KIF27: variants seen among roughly 807,000 people sequenced by gnomAD.
The protein encoded by KIF27 is kinesin family member 27.
In KIF27, 84 loss-of-function variants were observed where a neutral mutation model predicts 141.8. The ratio of observed to expected loss-of-function variants is 0.59; its 90% CI spans 0.50 to 0.71. The LOEUF is 0.71. KIF27 is among the 30% of genes least tolerant of loss of function. KIF27 has a pLI of 0.00. For missense variants in KIF27, 1,306 were observed against 1,628.4 expected, an observed-to-expected ratio of 0.80 and a Z score of 3.41; for synonymous variants, 471 against 569.5, an observed-to-expected ratio of 0.83 and a Z score of 2.46.
chr9:83,864,121 C>T (rs1950168099), intron 13 of KIF27, among the ~76,000 whole-genome samples: 1 of 152,112 alleles, frequency 6.6e-6, no homozygotes, highest in South Asian at 2.1e-4. Flanking sequence ...TCTCAAAAAA[C>T]CAGCTCCTTG....
Position 83,884,034 on chromosome 9 carries a change from A to T in KIF27, c.2240-16T>A. 6.7e-7 allele frequency: 1 copy of T among 1,483,300 alleles called. No individual in the cohort carries two copies. Among genetic ancestry groups the T allele is most frequent in the Non-Finnish European group, 9.2e-7 (1 of 1,087,514 alleles). The allele number at this position is 1,483,300 out of a possible 1,614,324, so 91.9% of individuals were successfully genotyped here. On this transcript the variant is annotated splice_polypyrimidine_tract_variant and intron_variant, in intron 9 of 17. Coordinates refer to ENST00000297814, the MANE Select transcript of KIF27 (RefSeq NM_017576.4). ...GCATCATTACCTTAACCGTAATAATAATTATTATTAGTATAAATTATGTAA... is the reference window on the plus strand; with the variant it reads ...GCATCATTACCTTAACCGTAATAATTATTATTATTAGTATAAATTATGTAA...
intron 13 of KIF27, among the ~76,000 whole-genome samples, chr9:83,864,802 G>A (rs552209676): frequency 2.6e-5 from 4 of 152,270 alleles, no homozygotes; most frequent in African/African-American, 9.6e-5. Flanking sequence ...ATTATTGTGT[G>A]GGAGTCTAAG....
chr9:83,872,586 AC>A (rs1464158934), intron 11 of KIF27, among the ~76,000 whole-genome samples: 2 of 152,232 alleles, frequency 1.3e-5, no homozygotes, highest in Non-Finnish European at 2.9e-5. Context: ...TTTAAATTTC[AC>A]TTTTCTACTA....
At chr9:83,888,738 A>G in intron 7 of KIF27, 146 bp from the exon 8 acceptor site, 1 of 461,250 alleles carries the variant, frequency 2.2e-6, no homozygotes. Flanking sequence ...TCAAAATAAA[A>G]GGATGCCCCC....
At chr9:83,913,095 G>A (rs1955339786) in intron 2 of KIF27, among the ~76,000 whole-genome samples, 6 of 152,014 alleles carry the variant, frequency 3.9e-5, no homozygotes, top group Admixed American at 3.9e-4. Flanking sequence ...AGCCCAGAAG[G>A]TTGAGGCTGC....
intron 17 of KIF27, among the ~76,000 whole-genome samples, chr9:83,840,301 C>A (rs1284887500): frequency 6.6e-6 from 1 of 151,672 alleles, no homozygotes; most frequent in African/African-American, 2.4e-5. Context: ...AAAATAGAAG[C>A]ATTTTAAATG....
At chr9:83,896,383 A>C (rs996989785) in intron 5 of KIF27, among the ~76,000 whole-genome samples, 1 of 152,250 alleles carries the variant, frequency 6.6e-6, no homozygotes, top group African/African-American at 2.4e-5. Flanking sequence ...TGCTGGATAT[A>C]TAATGTATTA....
In KIF27 at chr9:83,908,669, A is replaced by C. The variant is rs556887184; in HGVS notation, c.299-17T>G. 1 of 1,534,078 alleles carries C rather than the reference A, an allele frequency of 6.5e-7. No individual in the cohort carries two copies. The highest frequency in any genetic ancestry group is 2.3e-5 in the East Asian group (1 of 43,982). On this transcript the variant is annotated splice_polypyrimidine_tract_variant and intron_variant, in intron 2 of 17. Coordinates refer to ENST00000297814, the MANE Select transcript of KIF27 (RefSeq NM_017576.4). ...CAACTGAAGCTGAAAATTTAGAAAA[A>C]GAAAGCACATCTGGAACTTAAAACA...
intron 13 of KIF27, among the ~76,000 whole-genome samples, chr9:83,862,337 T>G (rs1950007169): frequency 6.6e-6 from 1 of 151,862 alleles, no homozygotes; most frequent in Non-Finnish European, 1.5e-5. Flanking sequence ...TAATCCATCT[T>G]GAATTAATTT....
chr9:83,909,047 A>G (rs975248368), intron 2 of KIF27, among the ~76,000 whole-genome samples: 19 of 152,184 alleles, frequency 1.2e-4, no homozygotes, highest in African/African-American at 4.3e-4. Context: ...TGTGCCAGGC[A>G]CTTTTCTAGG....
chr9:83,873,394 A>C (rs1588114238), intron 11 of KIF27, among the ~76,000 whole-genome samples: 2 of 152,350 alleles, frequency 1.3e-5, no homozygotes, highest in Middle Eastern at 6.8e-3. Flanking sequence ...CTTATTCAAA[A>C]GACCTGAGAA....
intron 14 of KIF27, among the ~76,000 whole-genome samples, chr9:83,856,847 C>T (rs1487727994): frequency 7.0e-6 from 1 of 143,748 alleles, no homozygotes; most frequent in Non-Finnish European, 1.5e-5. Flanking sequence ...GAGATGGAGG[C>T]AGTGAGCCGA....
intron 1 of KIF27, among the ~76,000 whole-genome samples, chr9:83,918,933 G>A (rs1351628483): frequency 1.3e-5 from 2 of 152,012 alleles, no homozygotes; most frequent in Non-Finnish European, 1.5e-5. Context: ...AAAATTAGAC[G>A]GGCATGGTGG....
chr9:83,864,902 T>C (rs1950232018), intron 13 of KIF27, among the ~76,000 whole-genome samples: 1 of 152,230 alleles, frequency 6.6e-6, no homozygotes. Context: ...GCTCTTCTTG[T>C]TGAATTGAGC....
intron 3 of KIF27, among the ~76,000 whole-genome samples, chr9:83,906,744 C>CAAAAAAA: frequency 2.0e-5 from 1 of 50,030 alleles, no homozygotes; most frequent in Non-Finnish European, 4.3e-5. Flanking sequence ...ACCCTGTCTC[C>CAAAAAAA]AAAAAAAAAA....
At chr9:83,876,696 T>C (rs1951226815) in intron 11 of KIF27, among the ~76,000 whole-genome samples, 1 of 152,224 alleles carries the variant, frequency 6.6e-6, no homozygotes, top group Non-Finnish European at 1.5e-5. Context: ...AATAGTGTGA[T>C]ACTAGCATGA....
intron 16 of KIF27, among the ~76,000 whole-genome samples, chr9:83,848,479 C>T (rs949332125): frequency 7.2e-6 from 1 of 138,308 alleles, no homozygotes; most frequent in African/African-American, 2.7e-5. Flanking sequence ...TGTATATATA[C>T]ATATAGATAT....
Position 83,903,579 on chromosome 9 carries a change from G to A in KIF27, c.939C>T (p.Val313=), listed in dbSNP as rs767101846. 6.2e-7 allele frequency: 1 copy of A among 1,614,198 alleles called. No individual in the cohort carries two copies. The highest frequency in any genetic ancestry group is 8.5e-7 in the Non-Finnish European group (1 of 1,180,030). ...AGGAGGGGCTGACACATGTGATCATGACAGTCTTAGCACTGCCTCCCAGAG... is the reference window on the plus strand; with the variant it reads ...AGGAGGGGCTGACACATGTGATCATAACAGTCTTAGCACTGCCTCCCAGAG... The part of the protein sequence containing the change: ...KDSLGGSAKT[V]MITCVSPSSS... Residue 313 remains valine, a synonymous_variant, in exon 4 of 18, where the codon GTC becomes GTT. Coordinates refer to ENST00000297814, the MANE Select transcript of KIF27 (RefSeq NM_017576.4).
intron 9 of KIF27, among the ~76,000 whole-genome samples, chr9:83,886,758 AAAAAT>A (rs1388209073): frequency 3.3e-5 from 5 of 152,248 alleles, no homozygotes; most frequent in African/African-American, 1.2e-4. Flanking sequence ...CCTGTTTCAA[AAAAAT>A]AAAATAAACA....
Sources: allele counts gnomAD v4.1 joint callset (sites outside exome capture counted in the v4.1 genomes callset), GRCh38; gene constraint gnomAD v4.1.1; transcripts MANE v1.5; gene names NCBI Gene and HGNC (gene_info 2026-07-23, HGNC 2026-07-21).